RORB: variants seen among roughly 807,000 people sequenced by gnomAD.
The protein encoded by RORB is RAR related orphan receptor B.
RORB carries 6 observed loss-of-function variants against 59.1 expected under a neutral mutation model. That is an observed-to-expected ratio of 0.10 (90% CI 0.06 to 0.20). The LOEUF (loss-of-function observed/expected upper bound fraction) is 0.20, where lower values mean the gene tolerates loss of function less well. Among genes scored for constraint, RORB ranks in the 10% least tolerant of loss-of-function variants. The pLI is 1.00. For missense variants in RORB, 320 were observed against 560.5 expected (o/e 0.57, Z 4.33); for synonymous variants, 215 against 204.5 (o/e 1.05, Z -0.44).
intron 1 of RORB, among the ~76,000 whole-genome samples, chr9:74,571,944 C>T (rs1822558929): frequency 6.6e-6 from 1 of 152,136 alleles, no homozygotes; most frequent in Non-Finnish European, 1.5e-5. Flanking sequence ...CTCCCCCGCC[C>T]TCCTGAGGCT....
intron 1 of RORB, among the ~76,000 whole-genome samples, chr9:74,561,475 A>G (rs7467032): frequency 0.41 from 62,804 of 152,022 alleles, 13,980 homozygotes; most frequent in East Asian, 0.77. Flanking sequence ...CTAGTATAAA[A>G]TAACATTTTA....
At chr9:74,654,454 G>A (rs1401576049) in intron 4 of RORB, among the ~76,000 whole-genome samples, 5 of 151,502 alleles carry the variant, frequency 3.3e-5, no homozygotes, top group African/African-American at 1.2e-4. Flanking sequence ...CCAGCCCCAG[G>A]GTTCTATAAT....
intron 1 of RORB, among the ~76,000 whole-genome samples, chr9:74,523,829 C>T (rs1279994333): frequency 1.3e-5 from 2 of 151,726 alleles, no homozygotes; most frequent in Non-Finnish European, 2.9e-5. Flanking sequence ...TTAAGTATGG[C>T]CTGACTTTTG....
At chr9:74,676,706 C>T (rs751143252) in intron 9 of RORB, among the ~76,000 whole-genome samples, 6 of 152,194 alleles carry the variant, frequency 3.9e-5, no homozygotes, top group Non-Finnish European at 8.8e-5. Flanking sequence ...TCACAATCTC[C>T]CTCTCTCTTT....
intron 1 of RORB, among the ~76,000 whole-genome samples, chr9:74,587,706 C>T (rs1822822441): frequency 6.6e-6 from 1 of 152,142 alleles, no homozygotes; most frequent in Non-Finnish European, 1.5e-5. Context: ...AGTAGGCTAG[C>T]CTGGGCTTTT....
At chr9:74,503,881 C>T (rs1825834839) in intron 1 of RORB, among the ~76,000 whole-genome samples, 1 of 151,946 alleles carries the variant, frequency 6.6e-6, no homozygotes, top group African/African-American at 2.4e-5. Flanking sequence ...CCCTTTCAAC[C>T]CCTGACCCCA....
intron 1 of RORB, among the ~76,000 whole-genome samples, chr9:74,540,466 A>T (rs10869418): frequency 0.26 from 39,564 of 152,190 alleles, 5,891 homozygotes; most frequent in East Asian, 0.74. Flanking sequence ...ACATCAAAGA[A>T]TTCCTGACAA....
intron 1 of RORB, among the ~76,000 whole-genome samples, chr9:74,534,082 G>A (rs1023091300): frequency 4.9e-4 from 75 of 152,086 alleles, no homozygotes; most frequent in African/African-American, 1.6e-3. Context: ...TTCTGAAGCT[G>A]TTCCTTCTTC....
At chr9:74,623,956 C>T (rs1823466541) in intron 1 of RORB, among the ~76,000 whole-genome samples, 1 of 152,160 alleles carries the variant, frequency 6.6e-6, no homozygotes, top group Admixed American at 6.5e-5. Context: ...AGTATTTTCT[C>T]TTAATGATTA....
At position 74,634,768 on chromosome 9, in the gene RORB, A is replaced by G. The variant is rs201658806; in HGVS notation, c.231A>G (p.Arg77=). Reference sequence around the variant, plus strand: ...AGTGTCTTGCCCTAGGAATGTCAAGAGATGGTAAGACATTACCTTCCTGTT... The same window carrying G: ...AGTGTCTTGCCCTAGGAATGTCAAGGGATGGTAAGACATTACCTTCCTGTT... The part of the protein sequence containing the change: ...LQKCLALGMS[R]DAVKFGRMSK... The change falls in exon 3 of 10, where the codon AGA becomes AGG. Residue 77 remains arginine, a synonymous_variant. Coordinates refer to ENST00000376896, the MANE Select transcript of RORB (RefSeq NM_006914.4). 7.4e-6 allele frequency: 12 copies of G among 1,611,880 alleles called. No individual in the cohort carries two copies. Among genetic ancestry groups the G allele is most frequent in the Non-Finnish European group, 9.3e-6 (11 of 1,178,998 alleles).
intron 5 of RORB, among the ~76,000 whole-genome samples, chr9:74,661,636 C>CTTTTTTTTTTTT (rs779927558): frequency 2.5e-5 from 2 of 79,590 alleles, no homozygotes; most frequent in African/African-American, 4.8e-5. Context: ...TTCTTTTTTC[C>CTTTTTTTTTTTT]TTTTTTTTTT....
chr9:74,574,312 A>C (rs1822598072), intron 1 of RORB, among the ~76,000 whole-genome samples: 1 of 152,138 alleles, frequency 6.6e-6, no homozygotes, highest in African/African-American at 2.4e-5. Context: ...ATTGACAGAA[A>C]GTTTACGAGG....
rs540228906 is a variant in RORB at position 74,627,180 on chromosome 9, A to G, written c.8-3102A>G. Among the ~76,000 whole-genome samples the G allele has an allele frequency of 4.5e-4, 68 of 150,824 alleles. 1 individual carries two copies. The highest frequency in any genetic ancestry group is 1.6e-3 in the African/African-American group (65 of 41,244). The stretch of plus-strand genomic sequence containing the variant: ...CATCTCAAAAAAAAAAAAAAAGTAT[A>G]AACTATAAAGCTGCAGCTCAGAAGC... On this transcript the variant is annotated intron_variant, in intron 1 of 9. Transcript: ENST00000376896.
At chr9:74,662,334 C>T (rs1326140499) in intron 5 of RORB, 140 bp from the exon 6 acceptor site, 7 of 791,972 alleles carry the variant, frequency 8.8e-6, no homozygotes, top group African/African-American at 3.4e-5. Context: ...AAGTAGTGCC[C>T]TCCTTTTTTA....
chr9:74,510,963 AT>A (rs1212901759), intron 1 of RORB, among the ~76,000 whole-genome samples: 1 of 152,204 alleles, frequency 6.6e-6, no homozygotes, highest in Non-Finnish European at 1.5e-5. Context: ...ACCCTTAAAA[AT>A]ATCATACTCT....
intron 5 of RORB, among the ~76,000 whole-genome samples, chr9:74,662,053 A>C (rs1453362968): frequency 6.6e-6 from 1 of 152,186 alleles, no homozygotes; most frequent in Non-Finnish European, 1.5e-5. Flanking sequence ...AAATGATGTC[A>C]TGGAAGCCTG....
In RORB at chr9:74,659,047, T is replaced by C. The variant is rs144178575; in HGVS notation, c.638-1570T>C. On this transcript the variant is annotated intron_variant, in intron 4 of 9. Transcript: ENST00000376896. Reference sequence around the variant, plus strand: ...TGCAGAATTAAGTATCTCCACTGAATTGTATCTCCATTGGAGTCATCATAT... The same window carrying C: ...TGCAGAATTAAGTATCTCCACTGAACTGTATCTCCATTGGAGTCATCATAT... 8.7e-4 allele frequency among the ~76,000 whole-genome samples: 132 copies of C among 152,338 alleles called. 2 individuals carry two copies. The highest frequency in any genetic ancestry group is 3.1e-3 in the African/African-American group (127 of 41,580).
intron 1 of RORB, among the ~76,000 whole-genome samples, chr9:74,590,523 C>A (rs1053599235): frequency 5.3e-5 from 8 of 152,064 alleles, no homozygotes; most frequent in Admixed American, 2.0e-4. Context: ...GTTTCCTCAC[C>A]TGTACATGAA....
At chr9:74,547,362 A>G (rs532411499) in intron 1 of RORB, among the ~76,000 whole-genome samples, 1 of 152,236 alleles carries the variant, frequency 6.6e-6, no homozygotes, top group Non-Finnish European at 1.5e-5. Flanking sequence ...AGAGCTAGAG[A>G]AGAGGGAAAA....
Sources: allele counts gnomAD v4.1 joint callset (sites outside exome capture counted in the v4.1 genomes callset), GRCh38; gene constraint gnomAD v4.1.1; transcripts MANE v1.5; gene names NCBI Gene and HGNC (gene_info 2026-07-23, HGNC 2026-07-21).